JAG2: variants seen among roughly 807,000 people sequenced by gnomAD.
The protein encoded by JAG2 is protein jagged-2.
A neutral mutation model predicts 141.7 loss-of-function variants in JAG2; 46 were observed. The observed-to-expected ratio is 0.32, with a 90% CI of 0.26 to 0.42. The LOEUF is 0.42. Among genes scored for constraint, JAG2 ranks in the 10% least tolerant of loss-of-function variants. The pLI, the probability that JAG2 is intolerant of heterozygous loss-of-function variation, is 1.00. For missense variants in JAG2, 1,500 were observed against 1,817.5 expected (o/e 0.83, Z 3.18); for synonymous variants, 862 against 763.5 (o/e 1.13, Z -2.13).
In JAG2 at chr14:105,150,982, C is replaced by T. The variant is rs1441862513; in HGVS notation, c.1381+9G>A. The T allele has an allele frequency of 1.4e-5, 22 of 1,611,204 alleles. No individual in the cohort carries two copies. The highest frequency in any genetic ancestry group is 8.0e-5 in the African/African-American group (6 of 75,042). ...GGCCCACCCGCCGGCGCCCACCCCC[C>T]ATACTGACTGATATGGCAGTTGATG... On this transcript the variant is annotated intron_variant, in intron 10 of 25. Transcript: ENST00000331782.
chr14:105,152,195 A>G lies in JAG2; in HGVS notation c.885T>C (p.Cys295=), dbSNP rs1325799154. 4.3e-6 allele frequency: 7 copies of G among 1,613,662 alleles called. No homozygotes were observed. The highest frequency in any genetic ancestry group is 5.9e-6 in the Non-Finnish European group (7 of 1,179,970). ...GSCVEPWQCN[C]ETNWGGLLCD... is the part of the protein sequence containing the mutation. The stretch of plus-strand genomic sequence containing the variant: ...AGAGCAGGCCGCCCCAGTTGGTCTC[A>G]CAGTTGCACTGCCAGGGCTCCACAC... Residue 295 remains cysteine (C), a synonymous_variant, in exon 6 of 26, where the codon TGT becomes TGC. Coordinates refer to ENST00000331782, the MANE Select transcript of JAG2 (RefSeq NM_002226.5).
rs1889003008 is a variant in JAG2 at position 105,168,628 on chromosome 14, A to AGCTCCGGCTCGCTGGCGGCCGC, written c.-230_-209dup. On this transcript the variant is annotated 5_prime_UTR_variant, in exon 1 of 26. Coordinates refer to ENST00000331782, the MANE Select transcript of JAG2 (RefSeq NM_002226.5). ...GCGGCGGGCGTGCAGGGGCGGCGGC[A>AGCTCCGGCTCGCTGGCGGCCGC]GCTCCGGCTCGCTGGCGGCCGCGCT... is the stretch of plus-strand genomic sequence containing the variant. The AGCTCCGGCTCGCTGGCGGCCGC allele has an allele frequency of 6.9e-6, 1 of 144,562 alleles. No individual in the cohort carries two copies. The highest frequency in any genetic ancestry group is 1.5e-5 in the Non-Finnish European group (1 of 65,176). The allele number at this position is 144,562 out of a possible 1,614,324, so 9.0% of individuals were successfully genotyped here. A position where few individuals can be genotyped will look rare whatever the true frequency, so the allele number is the denominator to read the frequency against.
chr14:105,147,830 G>A lies in JAG2; in HGVS notation c.2307C>T (p.Ser769=), dbSNP rs587767040. ...GGCAGATGCAGGAGAAGGAGGCCCC[G>A]CTGCCCACGCAGGTGCCACCATTCA... ...PCVNGGTCVG[S]GASFSCICRD... The change falls in exon 18 of 26, where the codon AGC becomes AGT. Residue 769 remains serine (S), a synonymous_variant. Coordinates refer to ENST00000331782, the MANE Select transcript of JAG2 (RefSeq NM_002226.5). The A allele has an allele frequency of 1.2e-4, 191 of 1,550,400 alleles. 2 individuals are homozygous for A. In the South Asian group the frequency reaches 1.8e-3, roughly 15 times the overall value.
chr14:105,158,804 C>T (rs1049248142), intron 2 of JAG2, among the ~76,000 whole-genome samples: 3 of 152,066 alleles, frequency 2.0e-5, no homozygotes, highest in Non-Finnish European at 4.4e-5. Context: ...TGCTGGCTTC[C>T]CACCCCGGGG....
At chr14:105,150,479 G>T in intron 12 of JAG2, 125 bp downstream of exon 12, 1 of 988,836 alleles carries the variant, frequency 1.0e-6, no homozygotes, top group Non-Finnish European at 1.5e-6. Context: ...GCTGAGCCTG[G>T]GACGCCTTGG....
At chr14:105,161,388 C>T (rs749261574) in intron 2 of JAG2, among the ~76,000 whole-genome samples, 2 of 152,150 alleles carry the variant, frequency 1.3e-5, no homozygotes. Flanking sequence ...AAAAGCCAGG[C>T]CACCCGGTCT....
rs937591394 is a variant in JAG2 at position 105,152,389 on chromosome 14, G to A, written c.789-98C>T. The A allele has an allele frequency of 3.0e-5, 43 of 1,440,932 alleles. No individual in the cohort carries two copies. In the Admixed American group the frequency reaches 5.1e-4, roughly 17 times the overall value. 89.3% of individuals were successfully genotyped at this position (1,440,932 alleles called of 1,614,324 possible). ...AGTCACCCACGCCACACCCAGGGCC[G>A]GCGGGCGGCCTCAGGCCTTTGAACT... On this transcript the variant is annotated intron_variant, in intron 5 of 25. Transcript: ENST00000331782.
intron 2 of JAG2, among the ~76,000 whole-genome samples, chr14:105,163,535 G>C (rs892189896): frequency 1.3e-5 from 2 of 152,184 alleles, no homozygotes; most frequent in African/African-American, 4.8e-5. Flanking sequence ...GGGATGTGGG[G>C]ATAGGAATCC....
In JAG2 at chr14:105,155,591, G is replaced by A. The variant is rs765640785; in HGVS notation, c.759C>T (p.His253=). The change falls in exon 5 of 26, where the codon CAC becomes CAT. Residue 253 remains histidine (H), a synonymous_variant. Transcript: ENST00000331782. The part of the protein sequence containing the change: ...AVCKQGCNLL[H]GGCTVPGECR... Reference sequence around the variant, plus strand: ...ACTCCCCAGGCACGGTGCATCCCCCGTGGAGCAAATTACACCCTTGTTTAC... The same window carrying A: ...ACTCCCCAGGCACGGTGCATCCCCCATGGAGCAAATTACACCCTTGTTTAC... 5.0e-6 allele frequency: 8 copies of A among 1,612,746 alleles called. No individual in the cohort carries two copies. Among genetic ancestry groups the A allele is most frequent in the African/African-American group, 2.7e-5 (2 of 74,940 alleles).
At position 105,168,380 on chromosome 14, in the gene JAG2, A is replaced by T; in HGVS notation, c.41T>A (p.Leu14Gln). The change falls in exon 1 of 26, where the codon CTG becomes CAG. Residue 14 changes from leucine (L) to glutamine (Q), a missense_variant. By Grantham distance (113) the Leu-to-Gln change is moderately radical. Transcript: ENST00000331782. ...CTGCACCCAGAGCGCCAGCAGCAGC[A>T]GCAGCCGCCGGGGAAGGCGCCCCCG... ...QGRGRLPRRLLLLLALWVQAA... is the reference protein window; with the variant it reads ...QGRGRLPRRLQLLLALWVQAA... 2.9e-6 allele frequency: 3 copies of T among 1,023,744 alleles called. No homozygotes were observed. The highest frequency in any genetic ancestry group is 2.4e-6 in the Non-Finnish European group (2 of 833,080). 63.4% of individuals were successfully genotyped at this position (1,023,744 alleles called of 1,614,324 possible).
intron 23 of JAG2, 105 bp downstream of exon 23, chr14:105,145,626 C>T (rs2140971318): frequency 7.0e-7 from 1 of 1,433,858 alleles, no homozygotes; most frequent in Non-Finnish European, 9.5e-7. Flanking sequence ...TGACTCTGCT[C>T]AGCCAACCAG....
chr14:105,165,284 T>A (rs1269154527), intron 2 of JAG2, among the ~76,000 whole-genome samples: 2 of 152,210 alleles, frequency 1.3e-5, no homozygotes, highest in African/African-American at 4.8e-5. Context: ...GCCCCCAGCA[T>A]GACACTACTC....
chr14:105,156,226 C>T (rs74406740), intron 3 of JAG2, among the ~76,000 whole-genome samples: 6 of 152,112 alleles, frequency 3.9e-5, no homozygotes, highest in Non-Finnish European at 8.8e-5. Flanking sequence ...CGCAGAGGGT[C>T]GGGGGGCCCG....
At chr14:105,148,501 G>A (rs1402519808) in intron 15 of JAG2, 62 bp from the exon 16 acceptor site, 9 of 1,266,244 alleles carry the variant, frequency 7.1e-6, no homozygotes, top group Admixed American at 1.8e-5. Context: ...GGGCTTCCCG[G>A]GGGAGGAAGC....
chr14:105,152,311 C>T lies in JAG2; in HGVS notation c.789-20G>A, dbSNP rs759342804. ...CTGCACCTGGGGGAAGGAGGAGGGG[C>T]GCAAGACCCAGTGAGCTGTGGTGCC... On this transcript the variant is annotated intron_variant, in intron 5 of 25. Transcript: ENST00000331782. 5.6e-6 allele frequency: 9 copies of T among 1,611,122 alleles called. No individual in the cohort carries two copies. Among genetic ancestry groups the T allele is most frequent in the Admixed American group, 1.7e-5 (1 of 59,716 alleles).
intron 11 of JAG2, 29 bp downstream of exon 11, chr14:105,150,836 C>T (rs587679646): frequency 1.3e-5 from 20 of 1,574,166 alleles, no homozygotes; most frequent in Admixed American, 9.2e-5. Context: ...GCAGCACCCA[C>T]GCCACACACC....
Position 105,143,320 on chromosome 14 carries a change from G to C in JAG2, c.3242-150C>G, listed in dbSNP as rs1014314309. ...CTCGTGGGGAGGGTCCCAGGACGGG[G>C]GCTGGGAAGGTCAGGTTGTGGGGCT... On this transcript the variant is annotated intron_variant, in intron 25 of 25. Coordinates refer to ENST00000331782, the MANE Select transcript of JAG2 (RefSeq NM_002226.5). 46 of 1,292,858 alleles carry C rather than the reference G, an allele frequency of 3.6e-5. No individual in the cohort carries two copies. The South Asian group carries it at 5.0e-4, about 14-fold the overall frequency. 80.1% of individuals were successfully genotyped at this position (1,292,858 alleles called of 1,614,324 possible).
chr14:105,156,184 C>T (rs1461780618), intron 3 of JAG2, among the ~76,000 whole-genome samples, 195 bp from the exon 4 acceptor site: 1 of 124,164 alleles, frequency 8.1e-6, no homozygotes, highest in Non-Finnish European at 1.8e-5. Flanking sequence ...CTCCCTCCCG[C>T]CACCAAGCCT....
At chr14:105,162,388 G>A (rs1668865566) in intron 2 of JAG2, among the ~76,000 whole-genome samples, 1 of 128,548 alleles carries the variant, frequency 7.8e-6, no homozygotes, top group Admixed American at 8.1e-5. Context: ...CCCTCCTCCT[G>A]TCCCCAGGCA....
Sources: gnomAD v4.1 joint callset for allele counts (sites outside exome capture counted in the v4.1 genomes callset) on GRCh38, gnomAD v4.1.1 for gene constraint, MANE v1.5 for transcripts, NCBI Gene and HGNC (gene_info 2026-07-23, HGNC 2026-07-21) for gene names.